The following ZEB1 variants were observed in gnomAD, a reference collection of about 807,000 sequenced individuals.
ZEB1 encodes zinc finger E-box-binding homeobox 1.
Under a neutral mutation model 84.9 loss-of-function variants are expected in ZEB1, and 21 were observed. The observed-to-expected ratio is 0.25, with a 90% CI of 0.18 to 0.36. The LOEUF is 0.36. Among genes scored for constraint, ZEB1 ranks in the 10% least tolerant of loss-of-function variants. The probability of loss-of-function intolerance (pLI) is 1.00; values close to 1 mark genes in which losing one functional copy is unlikely to be tolerated. For synonymous variants in ZEB1, 420 were observed against 471.1 expected, an observed-to-expected ratio of 0.89 and a Z score of 1.41; for missense variants, 1,104 against 1,330.2, an observed-to-expected ratio of 0.83 and a Z score of 2.65.
At chr10:31,342,256 G>A (rs1174870422) in intron 1 of ZEB1, among the ~76,000 whole-genome samples, 1 of 152,104 alleles carries the variant, frequency 6.6e-6, no homozygotes, top group Non-Finnish European at 1.5e-5. Flanking sequence ...ATGGAAACCG[G>A]GTAAGAAGAG....
chr10:31,450,527 C>T (rs34540641), intron 1 of ZEB1, among the ~76,000 whole-genome samples: 62 of 151,824 alleles, frequency 4.1e-4, no homozygotes, highest in Non-Finnish European at 6.9e-4. Flanking sequence ...AATAATTTTG[C>T]TTCTCCTTTC....
intron 1 of ZEB1, chr10:31,321,042 G>C: frequency 1.5e-6 from 1 of 672,712 alleles, no homozygotes; most frequent in South Asian, 6.3e-5. Flanking sequence ...GTCTATAATG[G>C]GACCGCTGCA....
At chr10:31,438,894 A>G (rs2058579265) in intron 1 of ZEB1, among the ~76,000 whole-genome samples, 1 of 152,200 alleles carries the variant, frequency 6.6e-6, no homozygotes, top group Non-Finnish European at 1.5e-5. Flanking sequence ...ACGTACATAC[A>G]TGCATACATA....
intron 1 of ZEB1, among the ~76,000 whole-genome samples, chr10:31,366,182 T>C (rs577186639): frequency 1.3e-5 from 2 of 152,348 alleles, no homozygotes; most frequent in South Asian, 4.1e-4. Flanking sequence ...TTACTTTTTA[T>C]AGCTCTCACT....
intron 2 of ZEB1, among the ~76,000 whole-genome samples, chr10:31,476,918 G>A (rs181771856): frequency 1.3e-5 from 2 of 151,970 alleles, no homozygotes; most frequent in East Asian, 3.9e-4. Flanking sequence ...CCTAAAAATA[G>A]TAAGAATCAT....
In ZEB1 at chr10:31,379,713, TAA is replaced by T. The variant is rs35883303; in HGVS notation, c.58+60432_58+60433del. Among the ~76,000 whole-genome samples the T allele has an allele frequency of 1.9e-4, 27 of 144,624 alleles. 1 individual carries two copies. The highest frequency in any genetic ancestry group is 3.6e-3 in the Middle Eastern group (1 of 280). 94.9% of individuals were successfully genotyped at this position (144,624 alleles called of 152,430 possible). A position where few individuals can be genotyped will look rare whatever the true frequency, so the allele number is the denominator to read the frequency against. ...TAGATGATGTTCCAAAGGCTTGAAT[TAA>T]AAAAAAAAAACCTTAGTGTAAAAAA... is the stretch of plus-strand genomic sequence containing the variant. On this transcript the variant is annotated intron_variant, in intron 1 of 8. Transcript: ENST00000424869.
chr10:31,452,064 T>A (rs999214969), intron 1 of ZEB1, among the ~76,000 whole-genome samples: 1 of 152,074 alleles, frequency 6.6e-6, no homozygotes, highest in Admixed American at 6.6e-5. Flanking sequence ...AATGATTGAC[T>A]TTTATTGGAG....
At chr10:31,485,265 T>C (rs535013127) in intron 2 of ZEB1, among the ~76,000 whole-genome samples, 18 of 152,024 alleles carry the variant, frequency 1.2e-4, no homozygotes, top group African/African-American at 4.1e-4. Flanking sequence ...TGCAGTGTGC[T>C]AAGCATTGGG....
chr10:31,505,068 C>T (rs1204436570), intron 4 of ZEB1, among the ~76,000 whole-genome samples: 2 of 151,910 alleles, frequency 1.3e-5, no homozygotes, highest in African/African-American at 4.8e-5. Context: ...ATGCAGTATG[C>T]TGTGGTTCTG....
At chr10:31,408,811 T>G (rs1237087256) in intron 1 of ZEB1, among the ~76,000 whole-genome samples, 1 of 149,976 alleles carries the variant, frequency 6.7e-6, no homozygotes, top group Non-Finnish European at 1.5e-5. Context: ...AACCTAGACA[T>G]TACCATTCAA....
chr10:31,408,635 G>A (rs1461453341), intron 1 of ZEB1, among the ~76,000 whole-genome samples: 1 of 145,050 alleles, frequency 6.9e-6, no homozygotes, highest in Non-Finnish European at 1.5e-5. Context: ...AGAAAAACAA[G>A]CAATGGGGAA....
At chr10:31,472,194 C>T (rs937204538) in intron 2 of ZEB1, among the ~76,000 whole-genome samples, 32 of 150,976 alleles carry the variant, frequency 2.1e-4, no homozygotes, top group Non-Finnish European at 4.6e-4. Context: ...TAGCAGAAGG[C>T]AAGAAATAAC....
At chr10:31,402,540 A>G (rs1357093958) in intron 1 of ZEB1, among the ~76,000 whole-genome samples, 1 of 152,130 alleles carries the variant, frequency 6.6e-6, no homozygotes, top group Non-Finnish European at 1.5e-5. Context: ...GCCCTGGACA[A>G]TAGTATACTT....
At chr10:31,461,294 ATATT>A in intron 2 of ZEB1, 57 bp downstream of exon 2, 4 of 1,488,744 alleles carry the variant, frequency 2.7e-6, no homozygotes, top group Non-Finnish European at 3.7e-6. Context: ...TTTAAAATAT[ATATT>A]AACTGAAAAG....
At chr10:31,387,649 A>T in intron 1 of ZEB1, 1 of 645,780 alleles carries the variant, frequency 1.5e-6, no homozygotes, top group Non-Finnish European at 1.9e-6. Flanking sequence ...TAATAGCTTC[A>T]GTTGATAGAG....
intron 1 of ZEB1, among the ~76,000 whole-genome samples, chr10:31,344,960 C>T (rs1020822166): frequency 2.0e-5 from 3 of 151,834 alleles, no homozygotes; most frequent in Non-Finnish European, 2.9e-5. Flanking sequence ...AAAATATTAC[C>T]AGAGGAGATG....
chr10:31,378,736 G>A (rs2047123217), intron 1 of ZEB1, among the ~76,000 whole-genome samples: 1 of 151,776 alleles, frequency 6.6e-6, no homozygotes, highest in Non-Finnish European at 1.5e-5. Context: ...TCAAGGACCA[G>A]CAAAAAATAA....
intron 1 of ZEB1, among the ~76,000 whole-genome samples, chr10:31,361,697 C>T (rs1210152424): frequency 3.3e-5 from 5 of 151,526 alleles, no homozygotes; most frequent in African/African-American, 4.9e-5. Flanking sequence ...TGGGCAGGGG[C>T]GCTCCTCACT....
intron 1 of ZEB1, among the ~76,000 whole-genome samples, chr10:31,348,946 A>G (rs1564543158): frequency 6.6e-6 from 1 of 152,220 alleles, no homozygotes. Context: ...GAGAACACCT[A>G]AAATCTACTC....
Sources: allele counts gnomAD v4.1 joint callset (sites outside exome capture counted in the v4.1 genomes callset), GRCh38; gene constraint gnomAD v4.1.1; transcripts MANE v1.5; gene names NCBI Gene and HGNC (gene_info 2026-07-23, HGNC 2026-07-21).